THSD4: variants seen among roughly 807,000 people sequenced by gnomAD.
THSD4 encodes thrombospondin type-1 domain-containing protein 4.
THSD4 carries 69 observed loss-of-function variants against 119.0 expected under a neutral mutation model. That is an observed-to-expected ratio of 0.58 (90% CI 0.48 to 0.71). The LOEUF is 0.71. THSD4 is among the 30% of genes least tolerant of loss of function. The pLI is 0.00. For missense variants in THSD4, 1,393 were observed against 1,391.1 expected, an observed-to-expected ratio of 1.00 and a Z score of -0.02; for synonymous variants, 524 against 540.4, an observed-to-expected ratio of 0.97 and a Z score of 0.42.
chr15:71,350,064 C>G (rs3784384), intron 6 of THSD4, among the ~76,000 whole-genome samples: 1 of 150,556 alleles, frequency 6.6e-6, no homozygotes, highest in Non-Finnish European at 1.5e-5. Flanking sequence ...TTTATTCTAG[C>G]ACATTTATAG....
At chr15:71,547,510 G>A in intron 7 of THSD4, 1 of 1,548,350 alleles carries the variant, frequency 6.5e-7, no homozygotes, top group Non-Finnish European at 8.7e-7. Flanking sequence ...CTTGTCAGAA[G>A]TTGTATTTTT....
At chr15:71,262,092 T>C (rs1416341392) in intron 6 of THSD4, among the ~76,000 whole-genome samples, 1 of 152,180 alleles carries the variant, frequency 6.6e-6, no homozygotes, top group Non-Finnish European at 1.5e-5. Context: ...GCTATTCACA[T>C]GTGCCTACTT....
chr15:71,696,736 G>A (rs926486755), intron 8 of THSD4, among the ~76,000 whole-genome samples: 4 of 152,166 alleles, frequency 2.6e-5, no homozygotes. Context: ...ACTAAAGAGA[G>A]AAAGAATACC....
chr15:71,719,902 C>T (rs117418342), intron 8 of THSD4, among the ~76,000 whole-genome samples: 6,756 of 152,214 alleles, frequency 0.044, 182 homozygotes, highest in East Asian at 0.074. Flanking sequence ...TCTCAAACTC[C>T]TGCTCGCAAA....
chr15:71,156,269 T>C (rs1199640843), intron 3 of THSD4, among the ~76,000 whole-genome samples: 1 of 151,910 alleles, frequency 6.6e-6, no homozygotes, highest in Non-Finnish European at 1.5e-5. Context: ...TCTTTTTTTT[T>C]TTTTTGAGAT....
Position 71,586,917 on chromosome 15 carries a change from G to A in THSD4, c.1153-73613G>A, listed in dbSNP as rs569388604. On this transcript the variant is annotated intron_variant, in intron 7 of 17. Coordinates refer to ENST00000261862, the MANE Select transcript of THSD4 (RefSeq NM_024817.3). Reference sequence around the variant, plus strand: ...TGCCTAGTCAGTGCTAGGCCCTATGGAAGATATAAAATGCACATAGGAATA... The same window carrying A: ...TGCCTAGTCAGTGCTAGGCCCTATGAAAGATATAAAATGCACATAGGAATA... Among the ~76,000 whole-genome samples the A allele has an allele frequency of 2.3e-4, 35 of 152,332 alleles. No individual in the cohort carries two copies. The South Asian group carries it at 6.8e-3, about 30-fold the overall frequency.
intron 1 of THSD4, among the ~76,000 whole-genome samples, chr15:71,128,238 A>G (rs1437060432): frequency 1.3e-5 from 2 of 151,990 alleles, no homozygotes; most frequent in Non-Finnish European, 2.9e-5. Context: ...AAAAAAGAAT[A>G]GAGTCTCAGG....
At chr15:71,378,594 C>G (rs756826486) in intron 6 of THSD4, among the ~76,000 whole-genome samples, 1 of 152,178 alleles carries the variant, frequency 6.6e-6, no homozygotes, top group South Asian at 2.1e-4. Context: ...TATAAAGTAC[C>G]AGGGGATGCT....
chr15:71,409,124 C>G (rs1015236154), intron 6 of THSD4, among the ~76,000 whole-genome samples: 1 of 146,946 alleles, frequency 6.8e-6, no homozygotes, highest in African/African-American at 2.5e-5. Flanking sequence ...GGAGATTCTG[C>G]TGTAATTGTC....
chr15:71,555,973 A>G (rs11633192), intron 7 of THSD4, among the ~76,000 whole-genome samples: 50,957 of 152,022 alleles, frequency 0.34, 8,819 homozygotes, highest in Non-Finnish European at 0.39. Context: ...ATATATGTCT[A>G]TCTTTTTCTG....
At chr15:71,330,587 A>G (rs1324910796) in intron 6 of THSD4, among the ~76,000 whole-genome samples, 3 of 152,198 alleles carry the variant, frequency 2.0e-5, no homozygotes, top group African/African-American at 4.8e-5. Context: ...TATAGTTACT[A>G]TGAGGATTAG....
chr15:71,510,367 A>G (rs2048261056), intron 7 of THSD4, among the ~76,000 whole-genome samples: 1 of 152,244 alleles, frequency 6.6e-6, no homozygotes, highest in Admixed American at 6.5e-5. Context: ...GCTGCAAACA[A>G]GGCAAAAGTG....
At chr15:71,221,236 C>T (rs2043973495) in intron 4 of THSD4, among the ~76,000 whole-genome samples, 1 of 152,152 alleles carries the variant, frequency 6.6e-6, no homozygotes, top group African/African-American at 2.4e-5. Flanking sequence ...TAGGACTCCC[C>T]TTCAACTTTT....
intron 1 of THSD4, among the ~76,000 whole-genome samples, chr15:71,126,516 C>T (rs2040457994): frequency 6.6e-6 from 1 of 152,218 alleles, no homozygotes; most frequent in Non-Finnish European, 1.5e-5. Context: ...TCTAGCACCT[C>T]ATACCATAAT....
At chr15:71,620,383 A>C (rs1680180810) in intron 7 of THSD4, among the ~76,000 whole-genome samples, 2 of 152,098 alleles carry the variant, frequency 1.3e-5, no homozygotes, top group South Asian at 2.1e-4. Flanking sequence ...GCTTGAGACT[A>C]GGAGTTAGAG....
At position 71,214,217 on chromosome 15, in the gene THSD4, C is replaced by G. The variant is rs1596272660; in HGVS notation, c.100-818C>G. Among the ~76,000 whole-genome samples, 3 of 150,564 alleles carry G rather than the reference C, an allele frequency of 2.0e-5. No homozygotes were observed. The South Asian group carries it at 6.2e-4, about 31-fold the overall frequency. ...CCAATCAGCAGGATGTGGGCGGGGA[C>G]AAATAAGGGACTAAAAGCTGGCGAC... On this transcript the variant is annotated intron_variant, in intron 3 of 17. Transcript: ENST00000261862.
At chr15:71,520,010 T>C (rs1317233974) in intron 7 of THSD4, among the ~76,000 whole-genome samples, 3 of 152,164 alleles carry the variant, frequency 2.0e-5, no homozygotes, top group Non-Finnish European at 2.9e-5. Flanking sequence ...TTATTGAACA[T>C]GTACTGTCTG....
chr15:71,546,219 A>G (rs1184949719), intron 7 of THSD4, among the ~76,000 whole-genome samples: 1 of 152,024 alleles, frequency 6.6e-6, no homozygotes, highest in Non-Finnish European at 1.5e-5. Context: ...TTTAACCCAC[A>G]CCTGCCTAAT....
intron 8 of THSD4, among the ~76,000 whole-genome samples, chr15:71,727,217 A>G (rs1393612654): frequency 2.0e-5 from 3 of 152,064 alleles, no homozygotes; most frequent in Non-Finnish European, 4.4e-5. Context: ...CTGCTGTGCA[A>G]TGTTGTGACG....
Sources: gnomAD v4.1 joint callset for allele counts (sites outside exome capture counted in the v4.1 genomes callset) on GRCh38, gnomAD v4.1.1 for gene constraint, MANE v1.5 for transcripts, NCBI Gene and HGNC (gene_info 2026-07-23, HGNC 2026-07-21) for gene names.